The following PTPRG variants were observed in gnomAD, a reference collection of about 807,000 sequenced individuals.
PTPRG encodes the protein receptor-type tyrosine-protein phosphatase gamma.
Under a neutral mutation model 165.3 loss-of-function variants are expected in PTPRG, and 102 were observed. The ratio of observed to expected loss-of-function variants is 0.62; its 90% CI spans 0.53 to 0.73. The LOEUF (loss-of-function observed/expected upper bound fraction) is 0.73. PTPRG is among the 30% of genes least tolerant of loss of function. The probability of loss-of-function intolerance (pLI) is 0.00; values close to 1 mark genes in which losing one functional copy is unlikely to be tolerated. For missense variants in PTPRG, 1,866 were observed against 1,861.4 expected, an observed-to-expected ratio of 1.00 and a Z score of -0.05; for synonymous variants, 675 against 669.5, an observed-to-expected ratio of 1.01 and a Z score of -0.13.
intron 21 of PTPRG, among the ~76,000 whole-genome samples, chr3:62,272,533 G>A (rs903937013): frequency 4.6e-5 from 7 of 152,092 alleles, no homozygotes; most frequent in Admixed American, 6.6e-5. Context: ...AATAACGTAC[G>A]TCATCTAAGG....
chr3:61,996,990 A>G (rs2107709734), intron 3 of PTPRG, among the ~76,000 whole-genome samples: 1 of 152,284 alleles, frequency 6.6e-6, no homozygotes, highest in South Asian at 2.1e-4. Context: ...CCATTTTTTG[A>G]AGAACCTTTT....
At chr3:61,781,042 G>A (rs535715760) in intron 2 of PTPRG, among the ~76,000 whole-genome samples, 1 of 152,194 alleles carries the variant, frequency 6.6e-6, no homozygotes, top group Non-Finnish European at 1.5e-5. Flanking sequence ...AGTTATCTTA[G>A]CTAATTTCAC....
intron 12 of PTPRG, among the ~76,000 whole-genome samples, chr3:62,206,799 G>A (rs1700241483): frequency 6.6e-6 from 1 of 151,426 alleles, no homozygotes; most frequent in African/African-American, 2.4e-5. Context: ...AGGGCACAGC[G>A]GCTCATGCCT....
At chr3:62,184,617 C>T (rs1403778936) in intron 8 of PTPRG, among the ~76,000 whole-genome samples, 1 of 152,192 alleles carries the variant, frequency 6.6e-6, no homozygotes, top group African/African-American at 2.4e-5. Context: ...ATGCCTCCTG[C>T]TCTTTCTCCC....
chr3:61,782,817 A>G (rs1291072730), intron 2 of PTPRG, among the ~76,000 whole-genome samples: 1 of 151,584 alleles, frequency 6.6e-6, no homozygotes, highest in East Asian at 1.9e-4. Flanking sequence ...TTGTTTTTTA[A>G]ATAGAGCTAG....
chr3:62,219,135 G>C lies in PTPRG; in HGVS notation c.2288+152G>C. ...CCACCCGGAAGGCCATCTTGTCTCT[G>C]TTAGATGATGGCAGGGCCAGATCCA... On this transcript the variant is annotated intron_variant, in intron 13 of 29. Transcript: ENST00000474889. This position sits in a 1 kb window ranked among gnomAD's most constrained non-coding sequence, Gnocchi z 4.5. 1 of 1,065,508 alleles carries C rather than the reference G, an allele frequency of 9.4e-7. No homozygotes were observed. Among genetic ancestry groups the C allele is most frequent in the South Asian group, 1.6e-5 (1 of 62,590 alleles). 66.0% of individuals were successfully genotyped at this position (1,065,508 alleles called of 1,614,324 possible). A position where few individuals can be genotyped will look rare whatever the true frequency, so the allele number is the denominator to read the frequency against.
chr3:61,889,252 T>G (rs2038138279), intron 2 of PTPRG, among the ~76,000 whole-genome samples: 1 of 152,226 alleles, frequency 6.6e-6, no homozygotes, highest in African/African-American at 2.4e-5. Context: ...GTCATTCTAC[T>G]GGAAAGAAGC....
At chr3:62,122,932 G>C (rs1021819103) in intron 5 of PTPRG, among the ~76,000 whole-genome samples, 6 of 152,154 alleles carry the variant, frequency 3.9e-5, no homozygotes, top group African/African-American at 1.2e-4. Flanking sequence ...TGTCTTGTGG[G>C]AGCTAGAACT....
chr3:62,170,364 G>C (rs906326732), intron 8 of PTPRG, among the ~76,000 whole-genome samples: 9 of 151,874 alleles, frequency 5.9e-5, no homozygotes, highest in Non-Finnish European at 1.3e-4. Flanking sequence ...GATGTGGATT[G>C]GGGGGGTGAG....
At chr3:61,767,986 A>AT (rs1432909879) in intron 2 of PTPRG, among the ~76,000 whole-genome samples, 2 of 151,870 alleles carry the variant, frequency 1.3e-5, no homozygotes, top group Non-Finnish European at 2.9e-5. Context: ...AAAAAAAAAA[A>AT]AAAAAAATCT....
At chr3:61,610,823 TTTTC>T (rs1426518145) in intron 1 of PTPRG, among the ~76,000 whole-genome samples, 2 of 142,168 alleles carry the variant, frequency 1.4e-5, no homozygotes, top group East Asian at 2.4e-4. Flanking sequence ...CTCTCTTTGT[TTTTC>T]TTTCTTTCTT....
intron 1 of PTPRG, among the ~76,000 whole-genome samples, chr3:61,737,815 T>C (rs188726556): frequency 1.3e-5 from 2 of 152,222 alleles, no homozygotes; most frequent in East Asian, 3.9e-4. Flanking sequence ...ATATTTTTGT[T>C]ATTGTGAAGC....
chr3:61,656,940 A>G (rs1022072150), intron 1 of PTPRG, among the ~76,000 whole-genome samples: 2 of 152,212 alleles, frequency 1.3e-5, no homozygotes, highest in Non-Finnish European at 2.9e-5. Context: ...GAACCTGTGT[A>G]GGGGAGAGAA....
At chr3:61,773,898 C>G (rs1291396272) in intron 2 of PTPRG, among the ~76,000 whole-genome samples, 2 of 152,052 alleles carry the variant, frequency 1.3e-5, no homozygotes, top group Non-Finnish European at 2.9e-5. Flanking sequence ...CCTCAGCCTC[C>G]CAACTAGCTG....
chr3:61,818,636 C>T (rs2035861419), intron 2 of PTPRG, among the ~76,000 whole-genome samples: 1 of 151,700 alleles, frequency 6.6e-6, no homozygotes, highest in African/African-American at 2.4e-5. Flanking sequence ...TGTACTCCAG[C>T]CTAGACAATA....
At chr3:61,862,795 C>A (rs1301914045) in intron 2 of PTPRG, among the ~76,000 whole-genome samples, 2 of 151,850 alleles carry the variant, frequency 1.3e-5, no homozygotes, top group Non-Finnish European at 1.5e-5. Flanking sequence ...TCAGGGAGTT[C>A]TCTCTTGTTT....
chr3:61,866,574 T>G, intron 2 of PTPRG, among the ~76,000 whole-genome samples: 1 of 144,536 alleles, frequency 6.9e-6, no homozygotes, highest in Admixed American at 7.0e-5. Context: ...GCTTTGGAAC[T>G]GTTTGCTCTT....
At chr3:62,223,861 T>C (rs1700703950) in intron 13 of PTPRG, among the ~76,000 whole-genome samples, 1 of 152,230 alleles carries the variant, frequency 6.6e-6, no homozygotes, top group Non-Finnish European at 1.5e-5. Context: ...GTACAGAGTT[T>C]CCAATATGTC....
chr3:61,882,415 A>T (rs1166622968), intron 2 of PTPRG, among the ~76,000 whole-genome samples: 2 of 152,176 alleles, frequency 1.3e-5, no homozygotes, highest in African/African-American at 4.8e-5. Context: ...AATTAGGTGA[A>T]AGCATTTACT....
Sources: allele counts gnomAD v4.1 joint callset (sites outside exome capture counted in the v4.1 genomes callset), GRCh38; gene constraint gnomAD v4.1.1; non-coding constraint Gnocchi (gnomAD v3.1); transcripts MANE v1.5; gene names NCBI Gene and HGNC (gene_info 2026-07-23, HGNC 2026-07-21).